IHO1: variants seen among roughly 807,000 people sequenced by gnomAD.
IHO1 encodes the protein interactor of HORMAD1 protein 1.
IHO1 carries 13 observed loss-of-function variants against 31.0 expected under a neutral mutation model. The observed-to-expected ratio is 0.42, with a 90% CI of 0.27 to 0.67. The LOEUF is 0.67. Ranked by LOEUF, IHO1 falls within the 30% of genes least tolerant of loss-of-function variation. The probability of loss-of-function intolerance (pLI) is 0.24; values close to 1 mark genes in which losing one functional copy is unlikely to be tolerated. For synonymous variants in IHO1, 221 were observed against 248.4 expected, an observed-to-expected ratio of 0.89 and a Z score of 1.04; for missense variants, 599 against 687.5, an observed-to-expected ratio of 0.87 and a Z score of 1.44.
intron 2 of IHO1, among the ~76,000 whole-genome samples, chr3:49,223,863 C>T (rs928183911): frequency 2.0e-5 from 3 of 152,140 alleles, no homozygotes; most frequent in African/African-American, 7.2e-5. Flanking sequence ...TATTGAAATC[C>T]GTTTGACTTA....
intron 1 of IHO1, among the ~76,000 whole-genome samples, chr3:49,208,430 G>A (rs2046168117): frequency 6.6e-6 from 1 of 152,186 alleles, no homozygotes; most frequent in Non-Finnish European, 1.5e-5. Context: ...GATCTAGGTT[G>A]TGCACTCCTT....
At chr3:49,209,971 C>T (rs1022975396) in intron 1 of IHO1, among the ~76,000 whole-genome samples, 15 of 151,788 alleles carry the variant, frequency 9.9e-5, no homozygotes, top group African/African-American at 3.4e-4. Flanking sequence ...TTGCCTTGGC[C>T]TCCCAAAGTG....
intron 1 of IHO1, among the ~76,000 whole-genome samples, chr3:49,207,937 C>G (rs2046160309): frequency 6.6e-6 from 1 of 152,046 alleles, no homozygotes; most frequent in Non-Finnish European, 1.5e-5. Flanking sequence ...CCACGCCTGG[C>G]TAATTTTTGT....
intron 3 of IHO1, among the ~76,000 whole-genome samples, chr3:49,238,022 A>G (rs1276365403): frequency 6.9e-6 from 1 of 144,954 alleles, no homozygotes; most frequent in East Asian, 2.1e-4. Flanking sequence ...CTCCTGTCTC[A>G]GCCTCCCTAG....
intron 6 of IHO1, among the ~76,000 whole-genome samples, chr3:49,254,773 G>C (rs1197687269): frequency 1.3e-5 from 2 of 152,108 alleles, no homozygotes; most frequent in African/African-American, 4.8e-5. Flanking sequence ...GCCATCGAAA[G>C]TTTCAACGGG....
rs1304041420 is a variant in IHO1 at position 49,255,091 on chromosome 3, T to C, written c.533-299T>C. The stretch of plus-strand genomic sequence containing the variant: ...AAAAAAAAAAGAAAAAAAGTTTCAA[T>C]GAAGGTTTCAGAGGGTGCATTCTAC... On this transcript the variant is annotated intron_variant, in intron 6 of 7. Transcript: ENST00000452691. Among the ~76,000 whole-genome samples the C allele has an allele frequency of 2.7e-5, 4 of 150,750 alleles. No homozygotes were observed. In the East Asian group the frequency reaches 7.8e-4, roughly 29 times the overall value.
chr3:49,211,773 T>C lies in IHO1; in HGVS notation c.-8T>C, dbSNP rs1436511490. Reference sequence around the variant, plus strand: ...ACCTATTCTTTCTAATAGGTATAACTATAAGAAATGAATTTTAATGTCTGG... The same window carrying C: ...ACCTATTCTTTCTAATAGGTATAACCATAAGAAATGAATTTTAATGTCTGG... On this transcript the variant is annotated 5_prime_UTR_variant, in exon 2 of 8. Transcript: ENST00000452691. The C allele has an allele frequency of 1.4e-6, 2 of 1,466,430 alleles. No individual in the cohort carries two copies. The highest frequency in any genetic ancestry group is 1.7e-5 in the Admixed American group (1 of 59,442). The allele number at this position is 1,466,430 out of a possible 1,614,324, so 90.8% of individuals were successfully genotyped here.
intron 2 of IHO1, among the ~76,000 whole-genome samples, chr3:49,214,633 T>TATATA (rs71278651): frequency 3.9e-5 from 1 of 25,574 alleles, no homozygotes; most frequent in African/African-American, 1.7e-4. Flanking sequence ...TATATATATA[T>TATATA]TTTTTTTTTT....
chr3:49,229,309 A>G (rs1471737019), intron 2 of IHO1, among the ~76,000 whole-genome samples: 1 of 152,214 alleles, frequency 6.6e-6, no homozygotes. Flanking sequence ...ACCCCGCAAA[A>G]GTTCCAACGG....
chr3:49,222,845 G>A (rs762125241), intron 2 of IHO1, among the ~76,000 whole-genome samples: 2 of 152,102 alleles, frequency 1.3e-5, no homozygotes, highest in Non-Finnish European at 2.9e-5. Flanking sequence ...TGCAGGTTCC[G>A]CAGGGGGTGT....
intron 2 of IHO1, among the ~76,000 whole-genome samples, chr3:49,218,542 C>T (rs1326760923): frequency 5.3e-5 from 8 of 151,814 alleles, no homozygotes; most frequent in Non-Finnish European, 5.9e-5. Context: ...CCACCACACC[C>T]GGCTAATTTT....
intron 2 of IHO1, among the ~76,000 whole-genome samples, chr3:49,224,814 C>G (rs1183251325): frequency 2.0e-5 from 3 of 152,216 alleles, no homozygotes; most frequent in African/African-American, 7.2e-5. Flanking sequence ...GATTGGTTCC[C>G]CATCCTCTGG....
At chr3:49,219,943 G>A (rs1434176078) in intron 2 of IHO1, among the ~76,000 whole-genome samples, 1 of 152,214 alleles carries the variant, frequency 6.6e-6, no homozygotes, top group Non-Finnish European at 1.5e-5. Flanking sequence ...AAAGGAGGAA[G>A]AGTTTCATCC....
chr3:49,241,726 T>G (rs571129197), intron 4 of IHO1, among the ~76,000 whole-genome samples: 1 of 152,124 alleles, frequency 6.6e-6, no homozygotes, highest in East Asian at 1.9e-4. Context: ...GTTCAAGCGA[T>G]TCTCCTGCCT....
intron 2 of IHO1, among the ~76,000 whole-genome samples, chr3:49,225,887 T>C (rs987202219): frequency 2.6e-5 from 4 of 152,092 alleles, no homozygotes; most frequent in Non-Finnish European, 5.9e-5. Context: ...CAGGGCTCAG[T>C]GAGGGTGATG....
chr3:49,250,887 G>A (rs1179544551), intron 6 of IHO1, among the ~76,000 whole-genome samples: 5 of 151,850 alleles, frequency 3.3e-5, no homozygotes, highest in African/African-American at 9.7e-5. Flanking sequence ...AAAATTAGCC[G>A]GGCGTGGTGG....
chr3:49,257,578 C>A lies in IHO1; in HGVS notation c.*296C>A. 2 of 322,986 alleles carry A rather than the reference C, an allele frequency of 6.2e-6. No homozygotes were observed. The highest frequency in any genetic ancestry group is 5.8e-6 in the Non-Finnish European group (1 of 172,872). The allele number at this position is 322,986 out of a possible 1,614,324, so 20.0% of individuals were successfully genotyped here. ...CTGGAGCAGGGTGCCTGTACTTTGG[C>A]GAAAGGCAGGCAGGCCTCCTTATGG... On this transcript the variant is annotated 3_prime_UTR_variant, in exon 8 of 8. Coordinates refer to ENST00000452691, the MANE Select transcript of IHO1 (RefSeq NM_001135197.2).
intron 1 of IHO1, chr3:49,199,912 C>T (rs2046031519): frequency 1.3e-5 from 2 of 152,154 alleles, no homozygotes. Context: ...CAGAGAAGCC[C>T]GCTGGGATTT....
chr3:49,241,153 C>A, intron 3 of IHO1, 73 bp from the exon 4 acceptor site: 2 of 1,248,926 alleles, frequency 1.6e-6, no homozygotes, highest in Non-Finnish European at 2.2e-6. Context: ...TGTGACTCTG[C>A]ATTGTACAGA....
Sources: gnomAD v4.1 joint callset for allele counts (sites outside exome capture counted in the v4.1 genomes callset) on GRCh38, gnomAD v4.1.1 for gene constraint, MANE v1.5 for transcripts, NCBI Gene and HGNC (gene_info 2026-07-23, HGNC 2026-07-21) for gene names.